SV2B: variants seen among roughly 807,000 people sequenced by gnomAD.
SV2B encodes synaptic vesicle glycoprotein 2B, also known as solute carrier family 22 member B2.
SV2B carries 41 observed loss-of-function variants against 73.9 expected under a neutral mutation model. That is an observed-to-expected ratio of 0.56 (90% CI 0.43 to 0.72). SV2B has a LOEUF of 0.72. Among genes scored for constraint, SV2B ranks in the 30% least tolerant of loss-of-function variants. The pLI, the probability that SV2B is intolerant of heterozygous loss-of-function variation, is 0.00. For synonymous variants in SV2B, 314 were observed against 314.2 expected, an observed-to-expected ratio of 1.00 and a Z score of 0.01; for missense variants, 764 against 857.8, an observed-to-expected ratio of 0.89 and a Z score of 1.37.
chr15:91,179,818 C>A (rs913717050), intron 1 of SV2B, among the ~76,000 whole-genome samples: 17 of 152,144 alleles, frequency 1.1e-4, no homozygotes, highest in Non-Finnish European at 2.2e-4. Flanking sequence ...CTGAATACAG[C>A]ACACTGATGG....
intron 4 of SV2B, among the ~76,000 whole-genome samples, chr15:91,257,569 C>T (rs550333308): frequency 6.6e-6 from 1 of 152,262 alleles, no homozygotes; most frequent in East Asian, 1.9e-4. Flanking sequence ...GAAGTTCAGT[C>T]CCTCATTTAA....
chr15:91,289,864 C>T lies in SV2B; in HGVS notation c.1868+184C>T, dbSNP rs1004658567. 3.3e-5 allele frequency among the ~76,000 whole-genome samples: 5 copies of T among 152,108 alleles called. No individual in the cohort carries two copies. Among genetic ancestry groups the T allele is most frequent in the African/African-American group, 1.2e-4 (5 of 41,420 alleles). The stretch of plus-strand genomic sequence containing the variant: ...TGGCATAGACCTGAAAGTTGGCAGG[C>T]TAGGGCTTGGATAGGGTGGGAAAGA... On this transcript the variant is annotated intron_variant, in intron 12 of 12. Transcript: ENST00000394232. The surrounding 1 kb of genome is among the most constrained non-coding windows in gnomAD (Gnocchi z 4.9).
chr15:91,176,976 T>G lies in SV2B; in HGVS notation c.-391-48897T>G, dbSNP rs186812144. Among the ~76,000 whole-genome samples the G allele has an allele frequency of 7.0e-3, 1,073 of 152,266 alleles. 15 individuals are homozygous for G. The highest frequency in any genetic ancestry group is 0.024 in the African/African-American group (1,015 of 41,516). On this transcript the variant is annotated intron_variant, in intron 1 of 12. Transcript: ENST00000394232. ...CATGAAGTCCTTGCCCATGCCTACG[T>G]CCTGAATGGTAATGCCTAGGTTTTC...
At chr15:91,204,486 G>GT (rs367868137) in intron 1 of SV2B, among the ~76,000 whole-genome samples, 133 of 147,932 alleles carry the variant, frequency 9.0e-4, no homozygotes, top group Non-Finnish European at 1.5e-3. Context: ...ATAGTAGGTA[G>GT]TTTTTTTTTG....
Position 91,283,159 on chromosome 15 carries a change from G to T in SV2B, c.1508-862G>T, listed in dbSNP as rs1372184325. On this transcript the variant is annotated intron_variant, in intron 10 of 12. Coordinates refer to ENST00000394232, the MANE Select transcript of SV2B (RefSeq NM_001323032.3). This position sits in a 1 kb window ranked among gnomAD's most constrained non-coding sequence, Gnocchi z 4.3. Reference sequence around the variant, plus strand: ...CCAAACGCAGGTTTCTAGGGAGCCTGTTTAGTACTTTTTCTGTCAGAACAG... The same window carrying T: ...CCAAACGCAGGTTTCTAGGGAGCCTTTTTAGTACTTTTTCTGTCAGAACAG... 6.6e-6 allele frequency among the ~76,000 whole-genome samples: 1 copy of T among 152,226 alleles called. No homozygotes were observed. The highest frequency in any genetic ancestry group is 1.5e-5 in the Non-Finnish European group (1 of 68,048).
intron 1 of SV2B, among the ~76,000 whole-genome samples, chr15:91,192,894 T>C (rs2141357534): frequency 6.6e-6 from 1 of 152,376 alleles, no homozygotes; most frequent in Non-Finnish European, 1.5e-5. Context: ...CTCCTGAGGC[T>C]GGCCTGGATG....
intron 11 of SV2B, among the ~76,000 whole-genome samples, chr15:91,285,659 C>T (rs1249993608): frequency 6.6e-6 from 1 of 152,198 alleles, no homozygotes; most frequent in Non-Finnish European, 1.5e-5. Context: ...CTGTTTGCCT[C>T]AGTGAGATAA....
chr15:91,235,532 C>T (rs1487340892), intron 2 of SV2B, among the ~76,000 whole-genome samples: 1 of 152,054 alleles, frequency 6.6e-6, no homozygotes, highest in Admixed American at 6.6e-5. Flanking sequence ...AGCAATTTCA[C>T]AATTAAACCA....
At chr15:91,225,386 G>T (rs1319319150) in intron 1 of SV2B, among the ~76,000 whole-genome samples, 1 of 152,146 alleles carries the variant, frequency 6.6e-6, no homozygotes, top group Admixed American at 6.5e-5. Flanking sequence ...CGGCATTTTC[G>T]TAGCAGAAAC....
rs1038165587 is a variant in SV2B at position 91,220,335 on chromosome 15, A to G, written c.-391-5538A>G. On this transcript the variant is annotated intron_variant, in intron 1 of 12. Coordinates refer to ENST00000394232, the MANE Select transcript of SV2B (RefSeq NM_001323032.3). This position sits in a 1 kb window ranked among gnomAD's most constrained non-coding sequence, Gnocchi z 4.1. Reference sequence around the variant, plus strand: ...GTGATATCTTACTGTGGGGTCAAGCAGGTTTTTGTTCAGGTCTTCTCATAG... The same window carrying G: ...GTGATATCTTACTGTGGGGTCAAGCGGGTTTTTGTTCAGGTCTTCTCATAG... Among the ~76,000 whole-genome samples the G allele has an allele frequency of 2.0e-5, 3 of 152,198 alleles. No homozygotes were observed. Among genetic ancestry groups the G allele is most frequent in the African/African-American group, 7.2e-5 (3 of 41,446 alleles).
intron 2 of SV2B, among the ~76,000 whole-genome samples, chr15:91,250,493 G>A (rs184617382): frequency 6.6e-6 from 1 of 152,070 alleles, no homozygotes; most frequent in African/African-American, 2.4e-5. Flanking sequence ...GCAAGAAAAA[G>A]AAATAAAAGT....
chr15:91,125,369 G>A (rs1446379755), intron 1 of SV2B, among the ~76,000 whole-genome samples: 1 of 152,110 alleles, frequency 6.6e-6, no homozygotes, highest in Non-Finnish European at 1.5e-5. Context: ...GACGTCACAT[G>A]TTTTCTCATT....
chr15:91,183,943 C>T (rs1317565292), intron 1 of SV2B, among the ~76,000 whole-genome samples: 1 of 147,882 alleles, frequency 6.8e-6, no homozygotes, highest in East Asian at 2.2e-4. Context: ...ACTTGCTTGA[C>T]ACCCCAAATA....
rs2049464913 is a variant in SV2B, at chr15:91,302,233, G to T, written c.*9681G>T. On this transcript the variant is annotated 3_prime_UTR_variant, in exon 13 of 13. Transcript: ENST00000394232. ...TTGAATGGTGAGGAGCAAGTGAAGT[G>T]TCATATGTAAAAGAGTTAATTCTCA... Among the ~76,000 whole-genome samples the T allele has an allele frequency of 6.6e-6, 1 of 152,112 alleles. No individual in the cohort carries two copies. Among genetic ancestry groups the T allele is most frequent in the African/African-American group, 2.4e-5 (1 of 41,414 alleles).
intron 1 of SV2B, among the ~76,000 whole-genome samples, chr15:91,161,067 A>G (rs1229140981): frequency 6.6e-6 from 1 of 152,210 alleles, no homozygotes; most frequent in Non-Finnish European, 1.5e-5. Flanking sequence ...AAAAAATGAC[A>G]TATTGTATGA....
chr15:91,148,148 T>C (rs111983854), intron 1 of SV2B, among the ~76,000 whole-genome samples: 3,833 of 151,630 alleles, frequency 0.025, 170 homozygotes, highest in African/African-American at 0.088. Flanking sequence ...GCCTGGCTAA[T>C]TTTTGTATTT....
Position 91,240,924 on chromosome 15 carries a change from A to G in SV2B, c.452-10895A>G, listed in dbSNP as rs1247614618. On this transcript the variant is annotated intron_variant, in intron 2 of 12. Transcript: ENST00000394232. This position sits in a 1 kb window ranked among gnomAD's most constrained non-coding sequence, Gnocchi z 4.6. ...TTTCTTGCTCCCCCTGGACATTTCC[A>G]GGCCATTCTCCCTCTCTCCTCACTA... 6.6e-6 allele frequency among the ~76,000 whole-genome samples: 1 copy of G among 152,100 alleles called. No homozygotes were observed. Among genetic ancestry groups the G allele is most frequent in the Non-Finnish European group, 1.5e-5 (1 of 68,000 alleles).
Position 91,128,104 on chromosome 15 carries a change from A to C in SV2B, c.-392+27741A>C, listed in dbSNP as rs2042538508. ...TGTCACGTTCATCCCAGGGACTCAAATTAAATCTGGGATTGTGCAGAAACT... is the reference window on the plus strand; with the variant it reads ...TGTCACGTTCATCCCAGGGACTCAACTTAAATCTGGGATTGTGCAGAAACT... On this transcript the variant is annotated intron_variant, in intron 1 of 12. Coordinates refer to ENST00000394232, the MANE Select transcript of SV2B (RefSeq NM_001323032.3). This position sits in a 1 kb window ranked among gnomAD's most constrained non-coding sequence, Gnocchi z 4.2. 1.3e-5 allele frequency among the ~76,000 whole-genome samples: 2 copies of C among 152,178 alleles called. No homozygotes were observed. Among genetic ancestry groups the C allele is most frequent in the African/African-American group, 2.4e-5 (1 of 41,446 alleles).
At chr15:91,191,169 G>A (rs183404137) in intron 1 of SV2B, among the ~76,000 whole-genome samples, 182 of 147,646 alleles carry the variant, frequency 1.2e-3, no homozygotes, top group African/African-American at 4.3e-3. Context: ...GGGTTCAAGC[G>A]ATTCTTCTGT....
Sources: gnomAD v4.1 joint callset for allele counts (sites outside exome capture counted in the v4.1 genomes callset) on GRCh38, gnomAD v4.1.1 for gene constraint, Gnocchi (gnomAD v3.1) non-coding constraint, MANE v1.5 for transcripts, NCBI Gene and HGNC (gene_info 2026-07-23, HGNC 2026-07-21) for gene names.